The following PCED1B variants were observed in gnomAD, a reference collection of about 807,000 sequenced individuals.
PCED1B encodes PC-esterase domain-containing protein 1B.
For synonymous variants in PCED1B, 251 were observed against 246.1 expected (o/e 1.02, Z -0.19); for missense variants, 573 against 573.9 (o/e 1.00, Z 0.02).
chr12:47,194,797 G>A (rs2137674385), intron 2 of PCED1B, among the ~76,000 whole-genome samples: 1 of 152,296 alleles, frequency 6.6e-6, no homozygotes, highest in East Asian at 1.9e-4. Context: ...TTTTAATGAG[G>A]AAGAGAAAGG....
At chr12:47,157,404 C>T (rs1941228792) in intron 2 of PCED1B, among the ~76,000 whole-genome samples, 1 of 152,052 alleles carries the variant, frequency 6.6e-6, no homozygotes. Context: ...GTCTGGTCAA[C>T]ATAATGAGAC....
At chr12:47,126,444 G>T (rs1350042358) in intron 2 of PCED1B, among the ~76,000 whole-genome samples, 1 of 152,102 alleles carries the variant, frequency 6.6e-6, no homozygotes, top group Non-Finnish European at 1.5e-5. Flanking sequence ...TAAGTTTCAT[G>T]AGGGATATTG....
intron 2 of PCED1B, among the ~76,000 whole-genome samples, chr12:47,172,201 AT>A (rs1252641933): frequency 6.6e-6 from 1 of 151,936 alleles, no homozygotes; most frequent in Non-Finnish European, 1.5e-5. Flanking sequence ...TTTGCTCATG[AT>A]TTCTGCCTCT....
intron 2 of PCED1B, among the ~76,000 whole-genome samples, chr12:47,176,651 C>T (rs989418152): frequency 2.6e-5 from 4 of 152,162 alleles, no homozygotes; most frequent in Non-Finnish European, 2.9e-5. Flanking sequence ...ATGAGCCATT[C>T]TAGTAAATTA....
chr12:47,235,543 G>A lies in PCED1B; in HGVS notation c.480G>A (p.Leu160=). The part of the protein sequence containing the change: ...LGQVLPESCL[L]VWNTAMPVGE... The stretch of plus-strand genomic sequence containing the variant: ...AGGTGCTGCCCGAGTCTTGCCTCCT[G>A]GTGTGGAACACGGCCATGCCTGTGG... Residue 160 remains leucine (L), a synonymous_variant, in exon 4 of 4, where the codon CTG becomes CTA. Transcript: ENST00000546455. The A allele has an allele frequency of 3.1e-6, 5 of 1,610,972 alleles. No individual in the cohort carries two copies. Among genetic ancestry groups the A allele is most frequent in the Non-Finnish European group, 3.4e-6 (4 of 1,177,988 alleles).
intron 2 of PCED1B, among the ~76,000 whole-genome samples, chr12:47,213,083 G>T (rs920715862): frequency 6.6e-6 from 1 of 152,126 alleles, no homozygotes; most frequent in East Asian, 1.9e-4. Flanking sequence ...TCACTGATTT[G>T]GCTTTTCTCA....
At chr12:47,194,910 T>C (rs1014299720) in intron 2 of PCED1B, among the ~76,000 whole-genome samples, 1 of 152,234 alleles carries the variant, frequency 6.6e-6, no homozygotes, top group Non-Finnish European at 1.5e-5. Context: ...GTTATTATCT[T>C]CATTTTGAGT....
chr12:47,224,373 T>C (rs900744147), intron 3 of PCED1B, among the ~76,000 whole-genome samples: 1 of 152,220 alleles, frequency 6.6e-6, no homozygotes, highest in African/African-American at 2.4e-5. Flanking sequence ...AGGCGTTGTT[T>C]ATATTAGACT....
intron 1 of PCED1B, among the ~76,000 whole-genome samples, chr12:47,090,503 A>G (rs1260653198): frequency 6.6e-6 from 1 of 152,170 alleles, no homozygotes; most frequent in Non-Finnish European, 1.5e-5. Context: ...TGTACCATGC[A>G]TAGAACCGGA....
chr12:47,142,873 A>AAGAG (rs3989870), intron 2 of PCED1B, among the ~76,000 whole-genome samples: 86,715 of 151,472 alleles, frequency 0.57, 25,605 homozygotes, highest in Admixed American at 0.64. Context: ...GTAACAGAAG[A>AAGAG]AGAGAGAAAG....
chr12:47,214,192 T>C lies in PCED1B; in HGVS notation c.-525-2030T>C, dbSNP rs113190105. 8.5e-5 allele frequency among the ~76,000 whole-genome samples: 13 copies of C among 152,328 alleles called. 1 individual carries two copies. Among genetic ancestry groups the C allele is most frequent in the Admixed American group, 4.6e-4 (7 of 15,304 alleles). ...CATGGGGAACTGCAAGATAACTTTA[T>C]TGATGGCCATAGAGGATGAAAACAA... is the stretch of plus-strand genomic sequence containing the variant. On this transcript the variant is annotated intron_variant, in intron 2 of 3. Transcript: ENST00000546455.
chr12:47,211,654 A>T (rs1341456539), intron 2 of PCED1B, among the ~76,000 whole-genome samples: 1 of 34,568 alleles, frequency 2.9e-5, no homozygotes, highest in African/African-American at 2.4e-4. Context: ...ACTCTGTCTC[A>T]AAAAAAAAAA....
chr12:47,172,789 T>A (rs1941794135), intron 2 of PCED1B, among the ~76,000 whole-genome samples: 1 of 152,152 alleles, frequency 6.6e-6, no homozygotes, highest in Non-Finnish European at 1.5e-5. Context: ...CTAGTGGTAT[T>A]GTGTTGGGAA....
chr12:47,233,129 C>T (rs1343577170), intron 3 of PCED1B, among the ~76,000 whole-genome samples: 1 of 152,068 alleles, frequency 6.6e-6, no homozygotes. Flanking sequence ...TGGTCTCGAA[C>T]TCCTGAGCTC....
At chr12:47,176,101 A>C (rs1244335684) in intron 2 of PCED1B, among the ~76,000 whole-genome samples, 1 of 151,986 alleles carries the variant, frequency 6.6e-6, no homozygotes, top group Non-Finnish European at 1.5e-5. Flanking sequence ...TCCTTCTTAA[A>C]AAGTGGCTGG....
At chr12:47,155,053 G>C (rs1263717593) in intron 2 of PCED1B, among the ~76,000 whole-genome samples, 1 of 152,154 alleles carries the variant, frequency 6.6e-6, no homozygotes, top group East Asian at 1.9e-4. Flanking sequence ...TGAGTGGATG[G>C]ATGATTCTGA....
At chr12:47,126,552 C>A (rs1939895884) in intron 2 of PCED1B, among the ~76,000 whole-genome samples, 1 of 152,092 alleles carries the variant, frequency 6.6e-6, no homozygotes, top group Admixed American at 6.5e-5. Context: ...AGTAATTCCT[C>A]TGCAAACTTT....
chr12:47,088,700 G>A (rs1478432958), intron 1 of PCED1B, among the ~76,000 whole-genome samples: 1 of 152,188 alleles, frequency 6.6e-6, no homozygotes, highest in Non-Finnish European at 1.5e-5. Context: ...TTCCTTGGCA[G>A]CTGTTGTATA....
At chr12:47,215,575 G>A (rs568378248) in intron 2 of PCED1B, among the ~76,000 whole-genome samples, 5 of 152,042 alleles carry the variant, frequency 3.3e-5, no homozygotes, top group Non-Finnish European at 7.4e-5. Context: ...TTTTAAGCAC[G>A]CTGTCCCCTT....
Sources: allele counts gnomAD v4.1 joint callset (sites outside exome capture counted in the v4.1 genomes callset), GRCh38; gene constraint gnomAD v4.1.1; transcripts MANE v1.5; gene names NCBI Gene and HGNC (gene_info 2026-07-23, HGNC 2026-07-21).